SYT17: variants seen among roughly 807,000 people sequenced by gnomAD.
SYT17 encodes synaptotagmin-17.
A neutral mutation model predicts 46.7 loss-of-function variants in SYT17; 22 were observed. The observed-to-expected ratio is 0.47, with a 90% CI of 0.34 to 0.67. The LOEUF (loss-of-function observed/expected upper bound fraction) is 0.67, where lower values mean the gene tolerates loss of function less well. SYT17 is among the 30% of genes least tolerant of loss of function. The pLI is 0.01. For synonymous variants in SYT17, 251 were observed against 248.4 expected, an observed-to-expected ratio of 1.01 and a Z score of -0.10; for missense variants, 519 against 612.8, an observed-to-expected ratio of 0.85 and a Z score of 1.62.
At chr16:19,204,161 C>T (rs1965576436) in intron 5 of SYT17, among the ~76,000 whole-genome samples, 1 of 152,160 alleles carries the variant, frequency 6.6e-6, no homozygotes, top group African/African-American at 2.4e-5. Context: ...GTTGTAGATG[C>T]CGTCCTGTGG....
At position 19,249,881 on chromosome 16, in the gene SYT17, G is replaced by A. The variant is rs865800744; in HGVS notation, c.1229-16999G>A. On this transcript the variant is annotated intron_variant, in intron 7 of 7. Transcript: ENST00000355377. ...GGGGCTCCATACTTTCATCCAGGTC[G>A]TCTTGTCTTGCTCACTCCCTTGTCC... 174 of 1,512,576 alleles carry A rather than the reference G, an allele frequency of 1.2e-4. 1 individual carries two copies. The Middle Eastern group carries it at 1.2e-3, about 10-fold the overall frequency. The allele number at this position is 1,512,576 out of a possible 1,614,324, so 93.7% of individuals were successfully genotyped here.
intron 7 of SYT17, among the ~76,000 whole-genome samples, chr16:19,234,146 C>T (rs937439536): frequency 2.0e-5 from 3 of 151,960 alleles, no homozygotes; most frequent in Admixed American, 6.6e-5. Context: ...GGCAACATAG[C>T]GAGACCTTAC....
intron 5 of SYT17, among the ~76,000 whole-genome samples, chr16:19,198,163 A>T (rs1417178560): frequency 6.6e-6 from 1 of 152,158 alleles, no homozygotes; most frequent in Non-Finnish European, 1.5e-5. Context: ...ATAGCTGGAG[A>T]CCAGCTATTG....
At chr16:19,187,691 G>A (rs1964840799) in intron 5 of SYT17, among the ~76,000 whole-genome samples, 1 of 152,120 alleles carries the variant, frequency 6.6e-6, no homozygotes, top group Non-Finnish European at 1.5e-5. Flanking sequence ...CTCTTTGAGT[G>A]GAAAAGCCGG....
chr16:19,234,595 A>G (rs1020513178), intron 7 of SYT17, among the ~76,000 whole-genome samples: 1 of 152,228 alleles, frequency 6.6e-6, no homozygotes, highest in Non-Finnish European at 1.5e-5. Context: ...ACCCTGCCAT[A>G]GAAGAGCAGG....
At chr16:19,176,729 C>T (rs1246023028) in intron 3 of SYT17, among the ~76,000 whole-genome samples, 1 of 152,160 alleles carries the variant, frequency 6.6e-6, no homozygotes, top group Non-Finnish European at 1.5e-5. Context: ...GTTGCCCAGG[C>T]TGGTCTTAAA....
At position 19,168,656 on chromosome 16, in the gene SYT17, A is replaced by C; in HGVS notation, c.10A>C (p.Ile4Leu). MAY[I>L]QLEPLNEGFL... ...GTGCGCGCGGGCGAAAATGGCGTAC[A>C]TCCAGGTAGGGCTGAGGCTGGGGGC... The change falls in exon 1 of 8, where the codon ATC (isoleucine) becomes CTC (leucine). Residue 4 changes from isoleucine (I) to leucine (L), a missense_variant. Ile to Leu is a conservative substitution (Grantham distance 5). Coordinates refer to ENST00000355377, the MANE Select transcript of SYT17 (RefSeq NM_016524.4). The surrounding 1 kb of genome is among the most constrained non-coding windows in gnomAD (Gnocchi z 6.9). The C allele has an allele frequency of 1.3e-6, 2 of 1,535,534 alleles. No homozygotes were observed. Among genetic ancestry groups the C allele is most frequent in the Non-Finnish European group, 1.8e-6 (2 of 1,139,296 alleles).
At chr16:19,237,612 G>A (rs1389234068) in intron 7 of SYT17, among the ~76,000 whole-genome samples, 2 of 152,160 alleles carry the variant, frequency 1.3e-5, no homozygotes, top group African/African-American at 4.8e-5. Flanking sequence ...AGGTATAAAG[G>A]TGATTACAAA....
intron 7 of SYT17, among the ~76,000 whole-genome samples, chr16:19,256,345 G>T (rs1020904850): frequency 2.6e-5 from 4 of 151,542 alleles, no homozygotes; most frequent in Admixed American, 2.6e-4. Context: ...TCAACATGGC[G>T]CCTTTATGAG....
At chr16:19,239,417 C>T (rs1345678873) in intron 7 of SYT17, among the ~76,000 whole-genome samples, 7 of 152,264 alleles carry the variant, frequency 4.6e-5, no homozygotes, top group South Asian at 2.1e-4. Flanking sequence ...GTGGAAATAG[C>T]TTTGGCTTAG....
intron 7 of SYT17, among the ~76,000 whole-genome samples, chr16:19,237,942 G>A (rs1027339626): frequency 1.1e-4 from 17 of 152,206 alleles, no homozygotes; most frequent in African/African-American, 4.1e-4. Context: ...AGAGCCTGCA[G>A]GATAAGAAGT....
chr16:19,186,479 G>GC (rs1964795701), intron 5 of SYT17, among the ~76,000 whole-genome samples: 1 of 152,140 alleles, frequency 6.6e-6, no homozygotes, highest in Non-Finnish European at 1.5e-5. Context: ...GTGAGGCCTT[G>GC]TCTCTAAAAA....
intron 7 of SYT17, among the ~76,000 whole-genome samples, chr16:19,242,740 G>C (rs867488740): frequency 6.6e-6 from 1 of 152,008 alleles, no homozygotes; most frequent in Admixed American, 6.6e-5. Flanking sequence ...TGTTGCCCAG[G>C]CTGGTCTTGA....
At chr16:19,199,360 T>G (rs1965375082) in intron 5 of SYT17, among the ~76,000 whole-genome samples, 1 of 152,148 alleles carries the variant, frequency 6.6e-6, no homozygotes, top group Non-Finnish European at 1.5e-5. Context: ...TGGTGGAGCT[T>G]GGACATGAAC....
chr16:19,243,775 G>A (rs1328698393), intron 7 of SYT17, among the ~76,000 whole-genome samples: 6 of 131,524 alleles, frequency 4.6e-5, no homozygotes, highest in East Asian at 2.2e-4. Context: ...CCAAGATCAC[G>A]CCATTGCACT....
chr16:19,200,908 A>G (rs977445618), intron 5 of SYT17, among the ~76,000 whole-genome samples: 6 of 152,144 alleles, frequency 3.9e-5, no homozygotes, highest in East Asian at 1.9e-4. Context: ...CCGAGAGGTG[A>G]TGTGTGGAGG....
intron 3 of SYT17, among the ~76,000 whole-genome samples, chr16:19,175,636 G>A (rs1305395050): frequency 9.3e-6 from 1 of 107,326 alleles, no homozygotes; most frequent in Non-Finnish European, 1.8e-5. Context: ...GCGCAACAGA[G>A]CAAGACTTCA....
Position 19,180,690 on chromosome 16 carries a change from G to A in SYT17, c.331+151G>A, listed in dbSNP as rs140036536. ...GACAGGGCGAGAGAGAGATAATGAC[G>A]GTGTGACAGAGGAGGGCATCACACC... On this transcript the variant is annotated intron_variant, in intron 4 of 7. Transcript: ENST00000355377. The A allele has an allele frequency of 9.9e-5, 88 of 886,742 alleles. No individual in the cohort carries two copies. The African/African-American group carries it at 1.4e-3, about 14-fold the overall frequency. The allele number at this position is 886,742 out of a possible 1,614,324, so 54.9% of individuals were successfully genotyped here.
chr16:19,232,872 T>C (rs1966754781), intron 7 of SYT17, among the ~76,000 whole-genome samples: 1 of 148,898 alleles, frequency 6.7e-6, no homozygotes, highest in Non-Finnish European at 1.5e-5. Context: ...ACAAACTCTC[T>C]AGCACTGGTC....
Sources: gnomAD v4.1 joint callset for allele counts (sites outside exome capture counted in the v4.1 genomes callset) on GRCh38, gnomAD v4.1.1 for gene constraint, Gnocchi (gnomAD v3.1) non-coding constraint, MANE v1.5 for transcripts, NCBI Gene and HGNC (gene_info 2026-07-23, HGNC 2026-07-21) for gene names.